Variants in SRPK2 observed in about 807,000 individuals in gnomAD.
The protein encoded by SRPK2 is SRSF protein kinase 2.
In SRPK2, 21 loss-of-function variants were observed where a neutral mutation model predicts 90.8. The observed-to-expected ratio is 0.23, with a 90% CI of 0.16 to 0.33. SRPK2 has a LOEUF of 0.33. Among genes scored for constraint, SRPK2 ranks in the 10% least tolerant of loss-of-function variants. SRPK2 has a pLI of 1.00. For missense variants in SRPK2, 620 were observed against 869.0 expected (o/e 0.71, Z 3.60); for synonymous variants, 288 against 311.1 (o/e 0.93, Z 0.78).
chr7:105,217,508 A>G (rs1283379153), intron 2 of SRPK2, among the ~76,000 whole-genome samples: 1 of 152,190 alleles, frequency 6.6e-6, no homozygotes, highest in Admixed American at 6.5e-5. Context: ...CTGTCCTGAA[A>G]TGTATCAAAT....
At chr7:105,127,096 A>G in intron 13 of SRPK2, 34 bp from the exon 14 acceptor site, 1 of 1,608,386 alleles carries the variant, frequency 6.2e-7, no homozygotes, top group African/African-American at 1.3e-5. Context: ...TAAGCACTTC[A>G]GAGACTGGCC....
chr7:105,240,826 T>C (rs1194686405), intron 2 of SRPK2, among the ~76,000 whole-genome samples: 3 of 152,174 alleles, frequency 2.0e-5, no homozygotes, highest in South Asian at 4.1e-4. Context: ...TTTCCACAAA[T>C]AAAATACTCG....
At chr7:105,267,324 T>C (rs1585443013) in intron 2 of SRPK2, among the ~76,000 whole-genome samples, 1 of 152,200 alleles carries the variant, frequency 6.6e-6, no homozygotes, top group Non-Finnish European at 1.5e-5. Flanking sequence ...AAAAAGCTAA[T>C]GTAATTATTA....
chr7:105,170,890 A>AAAG (rs1790870871), intron 3 of SRPK2, among the ~76,000 whole-genome samples: 1 of 109,382 alleles, frequency 9.1e-6, no homozygotes, highest in Non-Finnish European at 2.0e-5. Flanking sequence ...AAAGAAAGAA[A>AAAG]GAAAGAAAGA....
chr7:105,178,028 CAAAAAA>C (rs748165970), intron 3 of SRPK2, among the ~76,000 whole-genome samples: 1 of 57,116 alleles, frequency 1.8e-5, no homozygotes, highest in African/African-American at 6.0e-5. Context: ...GACTCCGTCT[CAAAAAA>C]AAAAAAAAAA....
chr7:105,194,589 T>C (rs1794691327), intron 3 of SRPK2, among the ~76,000 whole-genome samples: 1 of 152,168 alleles, frequency 6.6e-6, no homozygotes, highest in African/African-American at 2.4e-5. Context: ...AAAACATTTC[T>C]GAGAACAATA....
intron 2 of SRPK2, among the ~76,000 whole-genome samples, chr7:105,379,922 G>A (rs1361771573): frequency 2.6e-5 from 4 of 152,080 alleles, no homozygotes; most frequent in Non-Finnish European, 5.9e-5. Flanking sequence ...AGGTTGCAGT[G>A]AGCTGAGATA....
chr7:105,149,851 A>G (rs915490478), intron 7 of SRPK2, among the ~76,000 whole-genome samples: 1 of 152,244 alleles, frequency 6.6e-6, no homozygotes, highest in African/African-American at 2.4e-5. Flanking sequence ...CCCTACAAAC[A>G]TTTAAAACAA....
intron 3 of SRPK2, among the ~76,000 whole-genome samples, chr7:105,182,452 C>G (rs867347603): frequency 1.7e-5 from 2 of 118,634 alleles, no homozygotes; most frequent in Non-Finnish European, 3.3e-5. Flanking sequence ...TCCCCCCCCG[C>G]CTTTTTTTTT....
intron 2 of SRPK2, among the ~76,000 whole-genome samples, chr7:105,239,288 A>G (rs993064122): frequency 5.3e-5 from 8 of 152,256 alleles, no homozygotes; most frequent in African/African-American, 1.7e-4. Flanking sequence ...TTTATGAAAA[A>G]CTTCTCAAAC....
intron 2 of SRPK2, among the ~76,000 whole-genome samples, chr7:105,248,072 C>T (rs1344670008): frequency 3.3e-5 from 5 of 152,190 alleles, no homozygotes; most frequent in Admixed American, 1.3e-4. Flanking sequence ...AGGCTGGTCT[C>T]GAACTACCAA....
At chr7:105,233,627 G>A (rs888475587) in intron 2 of SRPK2, among the ~76,000 whole-genome samples, 2 of 152,182 alleles carry the variant, frequency 1.3e-5, no homozygotes, top group African/African-American at 4.8e-5. Flanking sequence ...GCCAAAGCCG[G>A]TGGATCACTT....
At chr7:105,241,977 T>G (rs1800874196) in intron 2 of SRPK2, among the ~76,000 whole-genome samples, 1 of 152,142 alleles carries the variant, frequency 6.6e-6, no homozygotes, top group Non-Finnish European at 1.5e-5. Context: ...TTCTACCTGA[T>G]AATCTTACTC....
intron 2 of SRPK2, among the ~76,000 whole-genome samples, chr7:105,323,641 GTGTACTAGA>G (rs1297652802): frequency 2.0e-5 from 3 of 152,158 alleles, no homozygotes; most frequent in Non-Finnish European, 2.9e-5. Flanking sequence ...CAGCACCAAA[GTGTACTAGA>G]TGCTACATGC....
At chr7:105,137,965 G>A (rs1803130088) in intron 11 of SRPK2, among the ~76,000 whole-genome samples, 2 of 152,140 alleles carry the variant, frequency 1.3e-5, no homozygotes, top group Admixed American at 6.5e-5. Context: ...CTTATCAAAT[G>A]GCCAAGCTGC....
intron 3 of SRPK2, among the ~76,000 whole-genome samples, chr7:105,196,475 TA>T (rs1405556036): frequency 7.2e-5 from 11 of 152,130 alleles, no homozygotes; most frequent in Admixed American, 3.9e-4. Flanking sequence ...AGGAGCTGAG[TA>T]ATTTCTGTTA....
intron 15 of SRPK2, among the ~76,000 whole-genome samples, chr7:105,120,525 A>G (rs1382513163): frequency 6.6e-6 from 1 of 152,166 alleles, no homozygotes; most frequent in Admixed American, 6.5e-5. Context: ...ATATCTAACT[A>G]CTTTTAACAA....
At chr7:105,213,537 T>C (rs1172687781) in intron 2 of SRPK2, among the ~76,000 whole-genome samples, 2 of 152,170 alleles carry the variant, frequency 1.3e-5, no homozygotes, top group Non-Finnish European at 2.9e-5. Flanking sequence ...ACCAACATTA[T>C]AATCTATAGT....
chr7:105,184,451 T>G (rs1198580571), intron 3 of SRPK2, among the ~76,000 whole-genome samples: 1 of 152,220 alleles, frequency 6.6e-6, no homozygotes, highest in Non-Finnish European at 1.5e-5. Flanking sequence ...CAAGTCCATT[T>G]AACTGTCTAG....
Sources: allele counts gnomAD v4.1 joint callset (sites outside exome capture counted in the v4.1 genomes callset), GRCh38; gene constraint gnomAD v4.1.1; transcripts MANE v1.5; gene names NCBI Gene and HGNC (gene_info 2026-07-23, HGNC 2026-07-21).